SYTL2: variants seen among roughly 807,000 people sequenced by gnomAD.
SYTL2 encodes synaptotagmin like 2, also known as synaptotagmin-like protein 2.
A neutral mutation model predicts 198.7 loss-of-function variants in SYTL2; 165 were observed. The observed-to-expected ratio is 0.83, with a 90% CI of 0.73 to 0.94. The LOEUF is 0.94. Among genes scored for constraint, SYTL2 ranks in the 40% least tolerant of loss-of-function variants. SYTL2 has a pLI of 0.00. For missense variants in SYTL2, 2,835 were observed against 2,582.8 expected (o/e 1.10, Z -2.12); for synonymous variants, 966 against 917.7 (o/e 1.05, Z -0.95).
intron 1 of SYTL2, among the ~76,000 whole-genome samples, chr11:85,781,598 C>A (rs2153601828): frequency 6.6e-6 from 1 of 152,278 alleles, no homozygotes; most frequent in East Asian, 1.9e-4. Context: ...TACTTATGAG[C>A]CTGTAAAATC....
At chr11:85,838,267 C>A in the SYTL2 span, among the ~76,000 whole-genome samples, 9 of 152,104 alleles carry the variant, frequency 5.9e-5, no homozygotes, top group Non-Finnish European at 1.0e-4. Flanking sequence ...GAAAAAAATT[C>A]TTGTGATACC....
chr11:85,729,837 G>A (rs1389299486), intron 7 of SYTL2, among the ~76,000 whole-genome samples: 1 of 147,950 alleles, frequency 6.8e-6, no homozygotes, highest in Non-Finnish European at 1.5e-5. Context: ...CAATAAAATA[G>A]ATAGACCATT....
At chr11:85,705,722 A>T (rs905676902) in intron 15 of SYTL2, among the ~76,000 whole-genome samples, 37 of 152,182 alleles carry the variant, frequency 2.4e-4, no homozygotes, top group African/African-American at 1.7e-4. Flanking sequence ...TGGCTTCATG[A>T]TGTACTACTT....
chr11:85,854,638 A>G, the SYTL2 span: 1 of 152,304 alleles, frequency 6.6e-6, no homozygotes, highest in Non-Finnish European at 1.5e-5. Flanking sequence ...AAGTAGAAAG[A>G]AGACAAGCCG....
chr11:85,848,633 G>C, the SYTL2 span, among the ~76,000 whole-genome samples: 1 of 151,938 alleles, frequency 6.6e-6, no homozygotes, highest in South Asian at 2.1e-4. Context: ...TTGATTTTTT[G>C]TTATATTCTA....
At chr11:85,849,951 C>T in the SYTL2 span, among the ~76,000 whole-genome samples, 1 of 146,446 alleles carries the variant, frequency 6.8e-6, no homozygotes. Context: ...TTTGTATCCT[C>T]TTTTATTTCG....
chr11:85,699,439 C>T (rs1406310409), intron 17 of SYTL2, among the ~76,000 whole-genome samples: 1 of 152,162 alleles, frequency 6.6e-6, no homozygotes, highest in Non-Finnish European at 1.5e-5. Context: ...TGAATGTTGA[C>T]TTTAAATGAT....
At chr11:85,792,801 C>G (rs1271092586) in intron 1 of SYTL2, among the ~76,000 whole-genome samples, 1 of 151,442 alleles carries the variant, frequency 6.6e-6, no homozygotes, top group Admixed American at 6.6e-5. Context: ...ACAACAGTCC[C>G]CAGAGTGTGA....
At chr11:85,721,856 C>T (rs2088360257) in intron 8 of SYTL2, among the ~76,000 whole-genome samples, 1 of 152,182 alleles carries the variant, frequency 6.6e-6, no homozygotes, top group Admixed American at 6.5e-5. Flanking sequence ...TGCGGACCTT[C>T]TCTGTGCATA....
At chr11:85,717,336 C>T (rs1342078473) in intron 11 of SYTL2, 147 bp downstream of exon 11, 4 of 637,656 alleles carry the variant, frequency 6.3e-6, no homozygotes, top group Non-Finnish European at 1.1e-5. Flanking sequence ...TTCAATAAAA[C>T]CCTTATCGTA....
At chr11:85,763,931 CA>C (rs1205775378) in intron 1 of SYTL2, among the ~76,000 whole-genome samples, 1 of 152,214 alleles carries the variant, frequency 6.6e-6, no homozygotes, top group Non-Finnish European at 1.5e-5. Flanking sequence ...ATGTGACAAT[CA>C]GAGACTCTTT....
At chr11:85,833,175 GAA>G in the SYTL2 span, among the ~76,000 whole-genome samples, 1 of 138,298 alleles carries the variant, frequency 7.2e-6, no homozygotes, top group Admixed American at 7.3e-5. Context: ...AAGAAAGAAA[GAA>G]AGAAACAAAG....
chr11:85,847,066 A>G, the SYTL2 span, among the ~76,000 whole-genome samples: 1 of 152,350 alleles, frequency 6.6e-6, no homozygotes, highest in East Asian at 1.9e-4. Flanking sequence ...ACTTTGTTAA[A>G]GTACAATTTA....
intron 15 of SYTL2, chr11:85,705,270 A>G: frequency 2.8e-6 from 1 of 361,390 alleles, no homozygotes; most frequent in Non-Finnish European, 5.0e-6. Context: ...CTCAGATATC[A>G]TAGTTGGTAA....
chr11:85,787,487 A>G (rs890235724), intron 1 of SYTL2, among the ~76,000 whole-genome samples: 1 of 152,120 alleles, frequency 6.6e-6, no homozygotes, highest in Non-Finnish European at 1.5e-5. Context: ...TTACATTTCC[A>G]GTGGCAAAGT....
chr11:85,709,042 G>A (rs11234386), intron 14 of SYTL2, among the ~76,000 whole-genome samples: 8,441 of 151,782 alleles, frequency 0.056, 282 homozygotes, highest in East Asian at 0.1. Flanking sequence ...GTTTCACCAT[G>A]TTAGCCAGGA....
Position 85,709,535 on chromosome 11 carries a change from A to G in SYTL2, c.5746-35T>C, listed in dbSNP as rs763140711. 6 of 1,596,574 alleles carry G rather than the reference A, an allele frequency of 3.8e-6. No individual in the cohort carries two copies. In the South Asian group the frequency reaches 6.6e-5, roughly 18 times the overall value. On this transcript the variant is annotated intron_variant, in intron 13 of 19. Transcript: ENST00000359152. ...TCAGAAATACATAGTGTTTGTCTCT[A>G]TCTCATTCTTAAACCTAGCACAAGG...
At chr11:85,820,073 T>C in the SYTL2 span, among the ~76,000 whole-genome samples, 1 of 152,216 alleles carries the variant, frequency 6.6e-6, no homozygotes, top group Non-Finnish European at 1.5e-5. Context: ...CCTAGGTTCT[T>C]TATTTTCATC....
At chr11:85,753,794 G>T (rs1247393259) in intron 2 of SYTL2, among the ~76,000 whole-genome samples, 1 of 149,256 alleles carries the variant, frequency 6.7e-6, no homozygotes, top group East Asian at 2.0e-4. Context: ...AAAAAAGATG[G>T]GAAGTGACAT....
Sources: gnomAD v4.1 joint callset for allele counts (sites outside exome capture counted in the v4.1 genomes callset) on GRCh38, gnomAD v4.1.1 for gene constraint, MANE v1.5 for transcripts, NCBI Gene and HGNC (gene_info 2026-07-23, HGNC 2026-07-21) for gene names.